ABAT: variants seen among roughly 807,000 people sequenced by gnomAD.
The protein encoded by ABAT is 4-aminobutyrate aminotransferase, mitochondrial.
ABAT carries 45 observed loss-of-function variants against 64.6 expected under a neutral mutation model. The observed-to-expected ratio is 0.70, with a 90% CI of 0.55 to 0.89. The LOEUF (loss-of-function observed/expected upper bound fraction) is 0.89, where lower values mean the gene tolerates loss of function less well. ABAT is among the 40% of genes least tolerant of loss of function. ABAT has a pLI of 0.00. For missense variants in ABAT, 633 were observed against 658.4 expected (o/e 0.96, Z 0.42); for synonymous variants, 297 against 250.5 (o/e 1.19, Z -1.75).
At chr16:8,684,408 A>G (rs1231715611) in intron 1 of ABAT, among the ~76,000 whole-genome samples, 2 of 152,098 alleles carry the variant, frequency 1.3e-5, no homozygotes, top group Admixed American at 1.3e-4. Flanking sequence ...CCCCGCCTCT[A>G]CAAAAAATAC....
At chr16:8,762,597 T>G (rs929836369) in intron 6 of ABAT, among the ~76,000 whole-genome samples, 3 of 152,156 alleles carry the variant, frequency 2.0e-5, no homozygotes, top group African/African-American at 7.2e-5. Context: ...ATGTCCCAGA[T>G]ATCTTCTGTT....
chr16:8,776,315 A>G lies in ABAT; in HGVS notation c.1123-29A>G. On this transcript the variant is annotated intron_variant, in intron 13 of 15. Transcript: ENST00000268251. This position sits in a 1 kb window ranked among gnomAD's most constrained non-coding sequence, Gnocchi z 4.4. ...TCCTGCAGGGTGTGCATGTGTGTGAAGCCTTCCAACACCCGTTCCTCATTC... is the reference window on the plus strand; with the variant it reads ...TCCTGCAGGGTGTGCATGTGTGTGAGGCCTTCCAACACCCGTTCCTCATTC... 1 of 1,613,998 alleles carries G rather than the reference A, an allele frequency of 6.2e-7. No individual in the cohort carries two copies. The highest frequency in any genetic ancestry group is 8.5e-7 in the Non-Finnish European group (1 of 1,180,016).
Position 8,783,022 on chromosome 16 carries a change from A to G in ABAT, c.*1592A>G, listed in dbSNP as rs2143010370. On this transcript the variant is annotated 3_prime_UTR_variant, in exon 16 of 16. Coordinates refer to ENST00000268251, the MANE Select transcript of ABAT (RefSeq NM_020686.6). ...TGAAAGGCAATGACAAGTTTAACAT[A>G]TACAAATTCGTGAATTCTTGTTCAT... 1 of 152,200 alleles carries G rather than the reference A, an allele frequency of 6.6e-6. No homozygotes were observed. 9.4% of individuals were successfully genotyped at this position (152,200 alleles called of 1,614,324 possible).
intron 6 of ABAT, among the ~76,000 whole-genome samples, chr16:8,761,976 C>T (rs1001187725): frequency 7.6e-6 from 1 of 132,176 alleles, no homozygotes; most frequent in Non-Finnish European, 1.7e-5. Flanking sequence ...CTTCCTTCTT[C>T]TTCCTTCTCC....
intron 1 of ABAT, among the ~76,000 whole-genome samples, chr16:8,726,131 G>T (rs2058545729): frequency 6.6e-6 from 1 of 152,026 alleles, no homozygotes; most frequent in African/African-American, 2.4e-5. Flanking sequence ...CTATGCCCGT[G>T]ACTTCAATTG....
chr16:8,749,087 C>G (rs1260646636), intron 4 of ABAT, among the ~76,000 whole-genome samples: 1 of 150,106 alleles, frequency 6.7e-6, no homozygotes, highest in Admixed American at 6.6e-5. Flanking sequence ...TTCTTTTGTT[C>G]CTCTTTTTTT....
chr16:8,698,629 C>T lies in ABAT; in HGVS notation c.-42+23918C>T, dbSNP rs369638314. Reference sequence around the variant, plus strand: ...GATTACAGGCGTGAGCCACTGCGCCCGGCCTTCTGGCTTTTATGAATAGTG... The same window carrying T: ...GATTACAGGCGTGAGCCACTGCGCCTGGCCTTCTGGCTTTTATGAATAGTG... On this transcript the variant is annotated intron_variant, in intron 1 of 15. Transcript: ENST00000268251. Among the ~76,000 whole-genome samples the T allele has an allele frequency of 2.6e-4, 39 of 152,234 alleles. No individual in the cohort carries two copies. In the East Asian group the frequency reaches 6.3e-3, roughly 24 times the overall value.
In ABAT at chr16:8,768,866, G is replaced by A. The variant is rs786205496; in HGVS notation, c.709G>A (p.Asp237Asn). Reference protein sequence around the residue: ...TTHSKAIHKIDIPSFDWPIAP... With the variant: ...TTHSKAIHKINIPSFDWPIAP... ...GCACTCTAAAGCCATTCACAAGATC[G>A]ACATCCCTTCCTTTGACTGGCCCAT... The change falls in exon 11 of 16, where the codon GAC becomes AAC. Residue 237 changes from aspartate to asparagine, a missense_variant. By Grantham distance (23) the Asp-to-Asn change is conservative. Coordinates refer to ENST00000268251, the MANE Select transcript of ABAT (RefSeq NM_020686.6). The A allele has an allele frequency of 1.9e-6, 3 of 1,614,124 alleles. No individual in the cohort carries two copies. Among genetic ancestry groups the A allele is most frequent in the Non-Finnish European group, 2.5e-6 (3 of 1,180,024 alleles).
chr16:8,715,300 A>T (rs1283808914), intron 1 of ABAT: 1 of 152,010 alleles, frequency 6.6e-6, no homozygotes, highest in Non-Finnish European at 1.5e-5. Flanking sequence ...TGATCCTAGG[A>T]TGAAGCCTGG....
intron 1 of ABAT, among the ~76,000 whole-genome samples, chr16:8,724,337 C>T (rs778801119): frequency 3.3e-5 from 5 of 152,092 alleles, no homozygotes; most frequent in African/African-American, 4.8e-5. Context: ...TAAAAGAGGC[C>T]GTAAAATCTT....
At chr16:8,769,495 G>T (rs1466827206) in intron 11 of ABAT, among the ~76,000 whole-genome samples, 1 of 146,098 alleles carries the variant, frequency 6.8e-6, no homozygotes, top group Non-Finnish European at 1.5e-5. Context: ...GGAGGCAGAG[G>T]TTGCAATGAG....
chr16:8,779,736 AAAG>A (rs1354707664), intron 15 of ABAT, 146 bp downstream of exon 15: 3 of 711,224 alleles, frequency 4.2e-6, no homozygotes, highest in African/African-American at 3.5e-5. Context: ...CTCTTTCTCC[AAAG>A]AAGAGAACAT....
At chr16:8,750,114 G>T (rs1161243254) in intron 4 of ABAT, among the ~76,000 whole-genome samples, 2 of 152,124 alleles carry the variant, frequency 1.3e-5, no homozygotes, top group Admixed American at 1.3e-4. Flanking sequence ...CTTTGAGTTT[G>T]CTCTAAGGTT....
At chr16:8,707,021 A>G (rs1390439601) in intron 1 of ABAT, among the ~76,000 whole-genome samples, 1 of 152,084 alleles carries the variant, frequency 6.6e-6, no homozygotes, top group African/African-American at 2.4e-5. Flanking sequence ...AGTACTCAGA[A>G]AAGAGATGCA....
chr16:8,680,516 C>T (rs1400232279), intron 1 of ABAT, among the ~76,000 whole-genome samples: 1 of 151,318 alleles, frequency 6.6e-6, no homozygotes. Context: ...ACCTCTGCCT[C>T]CTGGGTTCAG....
At chr16:8,710,269 T>G (rs2058038461) in intron 1 of ABAT, among the ~76,000 whole-genome samples, 1 of 152,134 alleles carries the variant, frequency 6.6e-6, no homozygotes, top group South Asian at 2.1e-4. Flanking sequence ...GGTTATAGCT[T>G]TTGTTACATG....
rs2060433205 is a variant in ABAT, at chr16:8,781,334, C to G, written c.1407C>G (p.Asp469Glu). The change falls in exon 16 of 16, where the codon GAC (aspartate) becomes GAG (glutamate). Residue 469 changes from aspartate (D) to glutamate (E), a missense_variant. Physicochemically the swap from Asp to Glu is conservative, Grantham distance 45. Coordinates refer to ENST00000268251, the MANE Select transcript of ABAT (RefSeq NM_020686.6). This position sits in a 1 kb window ranked among gnomAD's most constrained non-coding sequence, Gnocchi z 4.5. Reference sequence around the variant, plus strand: ...GTGTGGTGTTGGGTGGCTGTGGTGACAAATCCATTCGTTTCCGTCCCACGC... The same window carrying G: ...GTGTGGTGTTGGGTGGCTGTGGTGAGAAATCCATTCGTTTCCGTCCCACGC... Reference protein sequence around the residue: ...NKGVVLGGCGDKSIRFRPTLV... With the variant: ...NKGVVLGGCGEKSIRFRPTLV... The G allele has an allele frequency of 1.2e-6, 2 of 1,614,172 alleles. No homozygotes were observed. The highest frequency in any genetic ancestry group is 3.3e-5 in the Admixed American group (2 of 60,016).
At chr16:8,731,454 A>G (rs1007232795) in intron 1 of ABAT, 1 of 152,184 alleles carries the variant, frequency 6.6e-6, no homozygotes, top group African/African-American at 2.4e-5. Flanking sequence ...CAGCAAACTT[A>G]TAGAGAGCTG....
intron 1 of ABAT, among the ~76,000 whole-genome samples, chr16:8,676,582 G>C (rs911752561): frequency 6.6e-6 from 1 of 152,202 alleles, no homozygotes; most frequent in Non-Finnish European, 1.5e-5. Context: ...TGCTTACCCC[G>C]TGCGATCTTT....
Sources: gnomAD v4.1 joint callset for allele counts (sites outside exome capture counted in the v4.1 genomes callset) on GRCh38, gnomAD v4.1.1 for gene constraint, Gnocchi (gnomAD v3.1) non-coding constraint, MANE v1.5 for transcripts, NCBI Gene and HGNC (gene_info 2026-07-23, HGNC 2026-07-21) for gene names.